The following HLTF variants were observed in gnomAD, a reference collection of about 807,000 sequenced individuals.
HLTF encodes helicase like transcription factor.
HLTF carries 127 observed loss-of-function variants against 129.4 expected under a neutral mutation model. The ratio of observed to expected loss-of-function variants is 0.98; its 90% CI spans 0.85 to 1.14. The LOEUF is 1.14. Ranked by LOEUF, HLTF falls within the 50% of genes most tolerant of loss-of-function variation. HLTF has a pLI of 0.00. For synonymous variants in HLTF, 332 were observed against 388.8 expected (o/e 0.85, Z 1.72); for missense variants, 1,139 against 1,187.1 (o/e 0.96, Z 0.60).
intron 1 of HLTF, 117 bp downstream of exon 1, chr3:149,086,200 C>T: frequency 4.5e-6 from 5 of 1,105,398 alleles, no homozygotes; most frequent in Non-Finnish European, 6.8e-6. Flanking sequence ...ACCAACAGAA[C>T]GAATACAGCT....
rs772860937 is a variant in HLTF at position 149,032,256 on chromosome 3, G to A, written c.2994C>T (p.Ala998=). Reference sequence around the variant, plus strand: ...TTAATGTTCTGATTTCATTAATTTTGGCTTGTTTCATTTCGTCAGCATTTG... The same window carrying A: ...TTAATGTTCTGATTTCATTAATTTTAGCTTGTTTCATTTCGTCAGCATTTG... ...KKPNADEMKQ[A]KINEIRTLID... The change falls in exon 25 of 25, where the codon GCC becomes GCT. Residue 998 remains alanine, a synonymous_variant. Transcript: ENST00000310053. 6.3e-7 allele frequency: 1 copy of A among 1,595,566 alleles called. No homozygotes were observed. Among genetic ancestry groups the A allele is most frequent in the East Asian group, 2.3e-5 (1 of 44,060 alleles).
At chr3:149,049,420 T>C (rs1252411490) in intron 15 of HLTF, among the ~76,000 whole-genome samples, 1 of 152,178 alleles carries the variant, frequency 6.6e-6, no homozygotes, top group African/African-American at 2.4e-5. Flanking sequence ...AAAGGTAATA[T>C]TTTTACTAGA....
At position 149,084,775 on chromosome 3, in the gene HLTF, T is replaced by C; in HGVS notation, c.135A>G (p.Pro45=). 2 of 1,614,144 alleles carry C rather than the reference T, an allele frequency of 1.2e-6. No individual in the cohort carries two copies. Residue 45 remains proline (P), a synonymous_variant, in exon 2 of 25, where the codon CCA becomes CCG. Coordinates refer to ENST00000310053, the MANE Select transcript of HLTF (RefSeq NM_003071.4). ...CTTCATCACTAGTTAGAAAGTCATC[T>C]GGAGGGATAACATCTTGGAATTCAA... ...PRFEFQDVIP[P]DDFLTSDEEV...
intron 15 of HLTF, 34 bp from the exon 16 acceptor site, chr3:149,049,035 C>G: frequency 6.9e-7 from 1 of 1,444,184 alleles, no homozygotes; most frequent in East Asian, 2.3e-5. Flanking sequence ...TTAAAAAACA[C>G]AGGAAAGTAA....
chr3:149,048,503 C>T (rs1226505618), intron 16 of HLTF, among the ~76,000 whole-genome samples: 1 of 152,168 alleles, frequency 6.6e-6, no homozygotes, highest in Non-Finnish European at 1.5e-5. Flanking sequence ...AGTTTACATT[C>T]TTTTCCTTAC....
At chr3:149,066,661 G>A in intron 8 of HLTF, among the ~76,000 whole-genome samples, 1 of 151,526 alleles carries the variant, frequency 6.6e-6, no homozygotes, top group East Asian at 1.9e-4. Flanking sequence ...ACTTATCTTG[G>A]GGAAAAATAA....
chr3:149,074,941 G>C (rs1719216777), intron 3 of HLTF, among the ~76,000 whole-genome samples: 2 of 151,996 alleles, frequency 1.3e-5, no homozygotes, highest in Admixed American at 1.3e-4. Flanking sequence ...GTAACTGAAA[G>C]ATTGAAAGAG....
chr3:149,036,450 C>A (rs1002166644), intron 23 of HLTF, among the ~76,000 whole-genome samples: 1 of 151,532 alleles, frequency 6.6e-6, no homozygotes, highest in Admixed American at 6.6e-5. Context: ...CACCATGCCC[C>A]GCTAATTTTT....
At chr3:149,059,655 T>A in intron 13 of HLTF, 63 bp downstream of exon 13, 1 of 984,464 alleles carries the variant, frequency 1.0e-6, no homozygotes, top group Admixed American at 2.3e-5. Context: ...CTTAAAATTT[T>A]AAATTTTTTC....
At position 149,073,316 on chromosome 3, in the gene HLTF, C is replaced by G; in HGVS notation, c.536G>C (p.Gly179Ala). 1 of 1,603,854 alleles carries G rather than the reference C, an allele frequency of 6.2e-7. No homozygotes were observed. ...GCCCCAACCACTTTCCAAATTGAAT[C>G]CTAAAGCTATAATTTACAAAATAAA... ...FKLGPAPKTL[G>A]FNLESGWGSG... The change falls in exon 5 of 25, where the codon GGA becomes GCA. Residue 179 changes from glycine to alanine, a missense_variant. By Grantham distance (60) the Gly-to-Ala change is moderately conservative (BLOSUM62 0). Transcript: ENST00000310053.
In HLTF at chr3:149,030,795, A is replaced by G. The variant is rs1198794890; in HGVS notation, c.*1425T>C. The stretch of plus-strand genomic sequence containing the variant: ...CTCAAAAAGGGACCAGGAAGATTCT[A>G]GCTGGCTAATTCACTGTTCCCTTTG... On this transcript the variant is annotated 3_prime_UTR_variant, in exon 25 of 25. Transcript: ENST00000310053. 1 of 152,200 alleles carries G rather than the reference A, an allele frequency of 6.6e-6. No individual in the cohort carries two copies. The highest frequency in any genetic ancestry group is 2.4e-5 in the African/African-American group (1 of 41,436). 9.4% of individuals were successfully genotyped at this position (152,200 alleles called of 1,614,324 possible).
intron 13 of HLTF, chr3:149,059,458 G>A: frequency 2.0e-6 from 1 of 489,188 alleles, no homozygotes; most frequent in Non-Finnish European, 3.7e-6. Flanking sequence ...GCCATCACTA[G>A]AAGAAATATC....
chr3:149,057,579 C>A (rs1012247884), intron 13 of HLTF, among the ~76,000 whole-genome samples: 1 of 152,188 alleles, frequency 6.6e-6, no homozygotes, highest in Non-Finnish European at 1.5e-5. Flanking sequence ...GCCCTGGAAC[C>A]AAATCCCTGA....
At chr3:149,074,676 G>T (rs1719189987) in intron 3 of HLTF, among the ~76,000 whole-genome samples, 1 of 152,134 alleles carries the variant, frequency 6.6e-6, no homozygotes, top group South Asian at 2.1e-4. Context: ...CGGAACCACT[G>T]AGGGTAGTAA....
intron 2 of HLTF, among the ~76,000 whole-genome samples, chr3:149,080,354 C>T (rs1254380765): frequency 6.6e-6 from 1 of 152,088 alleles, no homozygotes; most frequent in East Asian, 1.9e-4. Flanking sequence ...AAATGTATCT[C>T]AATTTTAAAA....
At chr3:149,046,280 A>C (rs939890672) in intron 17 of HLTF, 21 bp from the exon 18 acceptor site, 1 of 1,282,476 alleles carries the variant, frequency 7.8e-7, no homozygotes, top group Non-Finnish European at 1.1e-6. Flanking sequence ...TAAAACAAAT[A>C]ATTATGTAAC....
chr3:149,081,393 T>G (rs1361157282), intron 2 of HLTF, among the ~76,000 whole-genome samples: 1 of 151,926 alleles, frequency 6.6e-6, no homozygotes, highest in East Asian at 1.9e-4. Context: ...CGTTTAAAGA[T>G]TAAAAGATTA....
intron 16 of HLTF, 45 bp downstream of exon 16, chr3:149,048,818 T>C (rs375712165): frequency 6.8e-7 from 1 of 1,469,564 alleles, no homozygotes; most frequent in Non-Finnish European, 9.5e-7. Flanking sequence ...CATAATGATA[T>C]ATTTTAGAGA....
chr3:149,071,136 A>C, intron 7 of HLTF, 116 bp downstream of exon 7: 1 of 589,812 alleles, frequency 1.7e-6, no homozygotes, highest in Non-Finnish European at 2.9e-6. Flanking sequence ...AAAGATAGTA[A>C]GATCTAGTCC....
Sources: allele counts gnomAD v4.1 joint callset (sites outside exome capture counted in the v4.1 genomes callset), GRCh38; gene constraint gnomAD v4.1.1; transcripts MANE v1.5; gene names NCBI Gene and HGNC (gene_info 2026-07-23, HGNC 2026-07-21).